Variants in TNFRSF19 observed in about 807,000 individuals in gnomAD.
TNFRSF19 encodes the protein tumor necrosis factor receptor superfamily member 19.
In TNFRSF19, 27 loss-of-function variants were observed where a neutral mutation model predicts 46.4. The ratio of observed to expected loss-of-function variants is 0.58; its 90% CI spans 0.43 to 0.80. The LOEUF (loss-of-function observed/expected upper bound fraction) is 0.80. Among genes scored for constraint, TNFRSF19 ranks in the 30% least tolerant of loss-of-function variants. TNFRSF19 has a pLI of 0.00. For synonymous variants in TNFRSF19, 204 were observed against 205.0 expected (o/e 1.00, Z 0.04); for missense variants, 511 against 530.8 (o/e 0.96, Z 0.37).
chr13:23,624,948 C>T (rs911465876), intron 4 of TNFRSF19, among the ~76,000 whole-genome samples: 1 of 151,962 alleles, frequency 6.6e-6, no homozygotes, highest in Admixed American at 6.6e-5. Flanking sequence ...GACGGGGTTT[C>T]ACCATTTTGG....
At chr13:23,626,936 C>T in intron 5 of TNFRSF19, 144 bp downstream of exon 5, 1 of 706,532 alleles carries the variant, frequency 1.4e-6, no homozygotes, top group Non-Finnish European at 2.3e-6. Flanking sequence ...AATCAGGCTT[C>T]TGGCAGGACA....
intron 5 of TNFRSF19, among the ~76,000 whole-genome samples, chr13:23,648,233 T>A (rs1483448243): frequency 1.3e-5 from 2 of 152,204 alleles, no homozygotes; most frequent in African/African-American, 4.8e-5. Flanking sequence ...GGAAGGTGCT[T>A]CCATATATTT....
chr13:23,667,120 GAT>G (rs746299138), intron 7 of TNFRSF19, among the ~76,000 whole-genome samples: 146 of 87,632 alleles, frequency 1.7e-3, no homozygotes, highest in Admixed American at 3.6e-3. Context: ...AAATCAGAGT[GAT>G]ATATATATAT....
chr13:23,624,969 C>T (rs1881899593), intron 4 of TNFRSF19, among the ~76,000 whole-genome samples: 1 of 151,994 alleles, frequency 6.6e-6, no homozygotes, highest in African/African-American at 2.4e-5. Flanking sequence ...CCAGGCTGGT[C>T]TTGAACTCCC....
At chr13:23,633,742 AG>A (rs1274016029) in intron 5 of TNFRSF19, among the ~76,000 whole-genome samples, 4 of 152,300 alleles carry the variant, frequency 2.6e-5, no homozygotes, top group Admixed American at 2.0e-4. Flanking sequence ...CCAGCTACTC[AG>A]GGGGCTGAGG....
At chr13:23,669,389 C>A in intron 9 of TNFRSF19, 1 of 1,159,738 alleles carries the variant, frequency 8.6e-7, no homozygotes, top group Non-Finnish European at 1.1e-6. Context: ...AGAGGTGAGT[C>A]GGGTATGGGA....
chr13:23,582,382 C>G (rs1330664970), intron 1 of TNFRSF19, among the ~76,000 whole-genome samples: 1 of 151,706 alleles, frequency 6.6e-6, no homozygotes, highest in African/African-American at 2.4e-5. Context: ...GCCTGGGCAA[C>G]AGTGCGAGAC....
chr13:23,673,416 G>A lies in TNFRSF19; in HGVS notation c.*36G>A. 6.3e-7 allele frequency: 1 copy of A among 1,595,890 alleles called. No homozygotes were observed. ...TCTTTCTGCAGTAGAAGCGTGTGCT[G>A]GAACCCAAAGAGTACTCCTTTGTTA... is the stretch of plus-strand genomic sequence containing the variant. On this transcript the variant is annotated 3_prime_UTR_variant, in exon 10 of 10. Transcript: ENST00000248484.
At chr13:23,613,596 C>A (rs1033457538) in intron 3 of TNFRSF19, among the ~76,000 whole-genome samples, 8 of 152,308 alleles carry the variant, frequency 5.3e-5, no homozygotes, top group East Asian at 1.9e-4. Context: ...ACTCTTACAA[C>A]CTCAAGCTGC....
chr13:23,617,709 T>C (rs774642298), intron 4 of TNFRSF19, among the ~76,000 whole-genome samples: 3 of 152,244 alleles, frequency 2.0e-5, no homozygotes, highest in Non-Finnish European at 2.9e-5. Context: ...ACTTGCAATG[T>C]ACCAGGCACC....
chr13:23,571,888 TTCTAGTCCTAAATTTA>T (rs1223206760), intron 1 of TNFRSF19, among the ~76,000 whole-genome samples: 2 of 151,958 alleles, frequency 1.3e-5, no homozygotes, highest in East Asian at 3.8e-4. Flanking sequence ...TTTTTTAATG[TTCTAGTCCTAAATTTA>T]TCTGGGCAAA....
At chr13:23,663,982 A>G (rs971590246) in intron 7 of TNFRSF19, among the ~76,000 whole-genome samples, 16 of 152,134 alleles carry the variant, frequency 1.1e-4, no homozygotes, top group African/African-American at 3.9e-4. Context: ...GTGGTTTTTC[A>G]TGTCTCAATT....
At chr13:23,572,947 C>T (rs1877722625) in intron 1 of TNFRSF19, among the ~76,000 whole-genome samples, 1 of 152,194 alleles carries the variant, frequency 6.6e-6, no homozygotes, top group South Asian at 2.1e-4. Context: ...TATGTTGAGT[C>T]CTGATACTGT....
chr13:23,659,619 G>A lies in TNFRSF19; in HGVS notation c.610+405G>A, dbSNP rs1461265841. On this transcript the variant is annotated intron_variant, in intron 6 of 9. Transcript: ENST00000248484. The surrounding 1 kb of genome is among the most constrained non-coding windows in gnomAD (Gnocchi z 4.9). ...CCTCCCGGATTCAAGTGATTCTCCT[G>A]CCTCAGCCTCCGGAGTAGCTGGGAC... Among the ~76,000 whole-genome samples the A allele has an allele frequency of 6.6e-6, 1 of 152,096 alleles. No individual in the cohort carries two copies. The highest frequency in any genetic ancestry group is 1.5e-5 in the Non-Finnish European group (1 of 68,008).
At chr13:23,594,995 A>G (rs1238414813) in intron 3 of TNFRSF19, among the ~76,000 whole-genome samples, 2 of 152,218 alleles carry the variant, frequency 1.3e-5, no homozygotes, top group East Asian at 3.8e-4. Context: ...GACCTCCAAC[A>G]AACTCCAGCA....
intron 2 of TNFRSF19, among the ~76,000 whole-genome samples, chr13:23,591,009 C>T (rs1879243977): frequency 6.6e-6 from 1 of 152,036 alleles, no homozygotes; most frequent in Non-Finnish European, 1.5e-5. Context: ...GCAGGAAACA[C>T]AGATGGAAAA....
intron 9 of TNFRSF19, among the ~76,000 whole-genome samples, chr13:23,671,817 C>T (rs1450945375): frequency 3.3e-5 from 5 of 152,134 alleles, no homozygotes; most frequent in African/African-American, 7.2e-5. Flanking sequence ...AGGATCACGC[C>T]GCTGCACTCC....
chr13:23,660,491 G>C lies in TNFRSF19; in HGVS notation c.736+1G>C. On this transcript the variant is annotated splice_donor_variant, in intron 7 of 9. Transcript: ENST00000248484. LOFTEE classifies it high-confidence loss of function. Reference sequence around the variant, plus strand: ...CGCCGTGACTCAGTGCAGACCTGCGGTAAGTTCAGCAGGGAAGTGCCGTTA... The same window carrying C: ...CGCCGTGACTCAGTGCAGACCTGCGCTAAGTTCAGCAGGGAAGTGCCGTTA... 1 of 1,612,564 alleles carries C rather than the reference G, an allele frequency of 6.2e-7. No homozygotes were observed. Among genetic ancestry groups the C allele is most frequent in the Non-Finnish European group, 8.5e-7 (1 of 1,179,778 alleles).
At chr13:23,582,426 T>A (rs1878519400) in intron 1 of TNFRSF19, among the ~76,000 whole-genome samples, 1 of 152,048 alleles carries the variant, frequency 6.6e-6, no homozygotes, top group South Asian at 2.1e-4. Context: ...AATAAAGATT[T>A]GGGATAATGC....
Sources: gnomAD v4.1 joint callset for allele counts (sites outside exome capture counted in the v4.1 genomes callset) on GRCh38, gnomAD v4.1.1 for gene constraint, Gnocchi (gnomAD v3.1) non-coding constraint, MANE v1.5 for transcripts, NCBI Gene and HGNC (gene_info 2026-07-23, HGNC 2026-07-21) for gene names.